Variants in CSMD1 observed in about 807,000 individuals in gnomAD.
CSMD1 encodes CUB and Sushi multiple domains 1.
A neutral mutation model predicts 417.5 loss-of-function variants in CSMD1; 213 were observed. That is an observed-to-expected ratio of 0.51 (90% CI 0.46 to 0.57). CSMD1 has a LOEUF of 0.57. Ranked by LOEUF, CSMD1 falls within the 20% of genes least tolerant of loss-of-function variation. The probability of loss-of-function intolerance (pLI) is 0.00; values close to 1 mark genes in which losing one functional copy is unlikely to be tolerated. For missense variants in CSMD1, 6,923 were observed against 4,529.7 expected (o/e 1.53, Z -15.17); for synonymous variants, 2,862 against 1,736.8 (o/e 1.65, Z -16.11).
chr8:4,864,388 C>CAAT (rs1168949370), intron 1 of CSMD1, among the ~76,000 whole-genome samples: 1 of 151,794 alleles, frequency 6.6e-6, no homozygotes, highest in Admixed American at 6.6e-5. Context: ...ATTTGTCTTT[C>CAAT]AATGGTTTAA....
Position 4,054,857 on chromosome 8 carries a change from T to C in CSMD1, c.416-22758A>G, listed in dbSNP as rs531571249. Among the ~76,000 whole-genome samples, 3 of 152,298 alleles carry C rather than the reference T, an allele frequency of 2.0e-5. No homozygotes were observed. The South Asian group carries it at 6.2e-4, about 32-fold the overall frequency. On this transcript the variant is annotated intron_variant, in intron 3 of 69. Coordinates refer to ENST00000635120, the MANE Select transcript of CSMD1 (RefSeq NM_033225.6). ...ACAGCAGCCCACTGTTTGGAGAGAA[T>C]GTATTGAAATGTTCTGTGACATACA... is the stretch of plus-strand genomic sequence containing the variant.
At chr8:3,791,363 A>T (rs1799731407) in intron 5 of CSMD1, among the ~76,000 whole-genome samples, 1 of 152,244 alleles carries the variant, frequency 6.6e-6, no homozygotes, top group Admixed American at 6.5e-5. Flanking sequence ...GTGAAAAAAT[A>T]AATTTGGTGA....
At chr8:3,156,788 G>A (rs1819562824) in intron 39 of CSMD1, among the ~76,000 whole-genome samples, 1 of 152,058 alleles carries the variant, frequency 6.6e-6, no homozygotes, top group Admixed American at 6.5e-5. Flanking sequence ...GAGTATGGCT[G>A]AATATGGGAG....
At chr8:3,325,511 G>C (rs1407841827) in intron 23 of CSMD1, among the ~76,000 whole-genome samples, 2 of 152,172 alleles carry the variant, frequency 1.3e-5, no homozygotes, top group African/African-American at 4.8e-5. Flanking sequence ...TCCTCAATTA[G>C]TTCCACTTGA....
intron 47 of CSMD1, among the ~76,000 whole-genome samples, chr8:3,093,965 C>T (rs1310188958): frequency 1.3e-5 from 2 of 151,802 alleles, no homozygotes; most frequent in Non-Finnish European, 2.9e-5. Context: ...TGCTTTTTGG[C>T]GTTTAAAAGG....
At chr8:3,940,763 G>A (rs960916373) in intron 5 of CSMD1, among the ~76,000 whole-genome samples, 12 of 150,186 alleles carry the variant, frequency 8.0e-5, no homozygotes, top group African/African-American at 2.4e-4. Flanking sequence ...TTGTTTTGTT[G>A]TATACACAGT....
chr8:4,376,303 G>C (rs1802731871), intron 3 of CSMD1, among the ~76,000 whole-genome samples: 3 of 152,124 alleles, frequency 2.0e-5, no homozygotes, highest in African/African-American at 7.2e-5. Context: ...AGAAAATTTA[G>C]AAAGTCAGGA....
chr8:4,074,713 A>G (rs570338292), intron 3 of CSMD1, among the ~76,000 whole-genome samples: 1 of 152,192 alleles, frequency 6.6e-6, no homozygotes, highest in Non-Finnish European at 1.5e-5. Context: ...GAGATTCCAG[A>G]CCATTTAATT....
chr8:4,051,379 G>A (rs1020926745), intron 3 of CSMD1, among the ~76,000 whole-genome samples: 1 of 152,022 alleles, frequency 6.6e-6, no homozygotes, highest in African/African-American at 2.4e-5. Flanking sequence ...CATGATCCCG[G>A]AGGGCTGATC....
chr8:3,450,148 A>T (rs1409539986), intron 12 of CSMD1, among the ~76,000 whole-genome samples: 2 of 152,152 alleles, frequency 1.3e-5, no homozygotes, highest in African/African-American at 2.4e-5. Flanking sequence ...TCGATGACGA[A>T]CGTTGACTGT....
At chr8:4,879,456 T>C (rs1803260863) in intron 1 of CSMD1, among the ~76,000 whole-genome samples, 1 of 152,082 alleles carries the variant, frequency 6.6e-6, no homozygotes, top group Non-Finnish European at 1.5e-5. Context: ...CGGGAAGATA[T>C]TTTAGGAGCT....
At chr8:4,798,138 A>G (rs1798082202) in intron 1 of CSMD1, among the ~76,000 whole-genome samples, 1 of 152,172 alleles carries the variant, frequency 6.6e-6, no homozygotes, top group Non-Finnish European at 1.5e-5. Context: ...CATTAGGTAT[A>G]TCTCCTAATG....
At chr8:3,361,303 T>TCAAGCCATAGATTTC in intron 20 of CSMD1, among the ~76,000 whole-genome samples, 1 of 152,016 alleles carries the variant, frequency 6.6e-6, no homozygotes. Flanking sequence ...TGCACTCAAT[T>TCAAGCCATAGATTTC]CAAGCCATAC....
At chr8:4,324,701 C>G (rs1234219611) in intron 3 of CSMD1, among the ~76,000 whole-genome samples, 3 of 152,196 alleles carry the variant, frequency 2.0e-5, no homozygotes, top group African/African-American at 7.2e-5. Flanking sequence ...CCAATTTGCC[C>G]TGTTTTCCAT....
chr8:3,716,833 T>C (rs988466525), intron 6 of CSMD1, among the ~76,000 whole-genome samples: 5 of 152,100 alleles, frequency 3.3e-5, no homozygotes, highest in Admixed American at 6.5e-5. Flanking sequence ...GGTAGTCATC[T>C]AATAAAACAT....
At chr8:3,678,706 G>C (rs189134338) in intron 7 of CSMD1, among the ~76,000 whole-genome samples, 1 of 152,038 alleles carries the variant, frequency 6.6e-6, no homozygotes, top group Non-Finnish European at 1.5e-5. Flanking sequence ...GATACTCCTC[G>C]AGAAGAGCAA....
chr8:3,189,778 T>A, intron 34 of CSMD1, 134 bp downstream of exon 34: 1 of 713,110 alleles, frequency 1.4e-6, no homozygotes, highest in South Asian at 1.9e-5. Flanking sequence ...CTCAATTACT[T>A]CCCATGAAAC....
intron 28 of CSMD1, among the ~76,000 whole-genome samples, chr8:3,220,074 G>T (rs943488682): frequency 6.8e-6 from 1 of 147,102 alleles, no homozygotes; most frequent in Non-Finnish European, 1.5e-5. Context: ...GAGGCCAGGA[G>T]TCTGAGGCTG....
At chr8:4,971,959 G>C (rs964465495) in intron 1 of CSMD1, among the ~76,000 whole-genome samples, 1 of 151,940 alleles carries the variant, frequency 6.6e-6, no homozygotes, top group Non-Finnish European at 1.5e-5. Flanking sequence ...TGCATTTGAA[G>C]GATAATAAAC....
Sources: allele counts gnomAD v4.1 joint callset (sites outside exome capture counted in the v4.1 genomes callset), GRCh38; gene constraint gnomAD v4.1.1; transcripts MANE v1.5; gene names NCBI Gene and HGNC (gene_info 2026-07-23, HGNC 2026-07-21).